CYP27C1: variants seen among roughly 807,000 people sequenced by gnomAD.
CYP27C1 encodes cytochrome P450 27C1.
Under a neutral mutation model 40.6 loss-of-function variants are expected in CYP27C1, and 29 were observed. The observed-to-expected ratio is 0.71, with a 90% CI of 0.53 to 0.97. The LOEUF (loss-of-function observed/expected upper bound fraction) is 0.97. Among genes scored for constraint, CYP27C1 ranks in the 50% least tolerant of loss-of-function variants. The probability of loss-of-function intolerance (pLI) is 0.00; values close to 1 mark genes in which losing one functional copy is unlikely to be tolerated. For synonymous variants in CYP27C1, 198 were observed against 186.8 expected (o/e 1.06, Z -0.49); for missense variants, 390 against 485.8 (o/e 0.80, Z 1.85).
At chr2:127,215,383 G>C (rs112632117) in intron 1 of CYP27C1, among the ~76,000 whole-genome samples, 2,159 of 152,138 alleles carry the variant, frequency 0.014, 54 homozygotes, top group African/African-American at 0.049. Flanking sequence ...TCTCAAAATG[G>C]ATCAAAGCTC....
Position 127,195,586 on chromosome 2 carries a change from TG to T in CYP27C1, c.1048-86del. The T allele has an allele frequency of 9.9e-6, 14 of 1,407,532 alleles. No homozygotes were observed. The highest frequency in any genetic ancestry group is 1.4e-5 in the African/African-American group (1 of 70,186). The allele number at this position is 1,407,532 out of a possible 1,614,324, so 87.2% of individuals were successfully genotyped here. ...AGGCGGTGGCAGGTAGGAAGTCCCCTGGGAATACACACAGCACAAAGTCAAA... is the reference window on the plus strand; with the variant it reads ...AGGCGGTGGCAGGTAGGAAGTCCCCTGGAATACACACAGCACAAAGTCAAA... On this transcript the variant is annotated intron_variant, in intron 5 of 8. Transcript: ENST00000664447. This position sits in a 1 kb window ranked among gnomAD's most constrained non-coding sequence, Gnocchi z 6.2.
At chr2:127,203,613 G>T in intron 2 of CYP27C1, 42 bp from the exon 3 acceptor site, 2 of 1,561,460 alleles carry the variant, frequency 1.3e-6, no homozygotes, top group South Asian at 1.2e-5. Flanking sequence ...TACTTACACT[G>T]ACATTCTGGG....
chr2:127,198,052 C>T (rs2104682866), intron 5 of CYP27C1, among the ~76,000 whole-genome samples: 1 of 152,306 alleles, frequency 6.6e-6, no homozygotes, highest in South Asian at 2.1e-4. Context: ...CTCTTCCTTT[C>T]CCATCGGATA....
intron 1 of CYP27C1, among the ~76,000 whole-genome samples, chr2:127,206,612 T>C (rs1683234345): frequency 6.6e-6 from 1 of 152,206 alleles, no homozygotes; most frequent in South Asian, 2.1e-4. Flanking sequence ...TTTCTTATTC[T>C]TTAGGGATAT....
intron 8 of CYP27C1, among the ~76,000 whole-genome samples, chr2:127,189,172 C>A (rs1485672211): frequency 6.6e-6 from 1 of 150,622 alleles, no homozygotes; most frequent in East Asian, 2.0e-4. Flanking sequence ...AACACTGCCC[C>A]CCCCCTCCGC....
At chr2:127,213,015 C>G (rs1683364055) in intron 1 of CYP27C1, among the ~76,000 whole-genome samples, 1 of 152,136 alleles carries the variant, frequency 6.6e-6, no homozygotes, top group Admixed American at 6.5e-5. Flanking sequence ...CATTCCTTTA[C>G]ACCAACAATA....
In CYP27C1 at chr2:127,193,884, G is replaced by A. The variant is rs377636895; in HGVS notation, c.1215-17C>T. 1.9e-5 allele frequency: 30 copies of A among 1,613,814 alleles called. No homozygotes were observed. The highest frequency in any genetic ancestry group is 1.6e-4 in the Middle Eastern group (1 of 6,082). On this transcript the variant is annotated splice_polypyrimidine_tract_variant and intron_variant, in intron 6 of 8. Transcript: ENST00000664447. ...GGAAACAGCCTGGAAAAGAGCCAGC[G>A]GGGACGGGAATGGCGTGGTGACTTT...
intron 2 of CYP27C1, among the ~76,000 whole-genome samples, chr2:127,204,440 A>AAAAGAAAGAAAGAAAGAAAGAAAGAAAG (rs59482629): frequency 9.7e-5 from 4 of 41,282 alleles, no homozygotes; most frequent in Non-Finnish European, 1.4e-4. Context: ...GAAAGAAAGA[A>AAAAGAAAGAAAGAAAGAAAGAAAGAAAG]AAAGAAAGAA....
At chr2:127,198,186 T>C (rs79908771) in intron 5 of CYP27C1, among the ~76,000 whole-genome samples, 3,610 of 148,162 alleles carry the variant, frequency 0.024, 161 homozygotes, top group African/African-American at 0.085. Flanking sequence ...AATTTGTTGA[T>C]ACACACACAC....
chr2:127,204,505 GA>G (rs1683149735), intron 2 of CYP27C1, among the ~76,000 whole-genome samples: 2 of 72,046 alleles, frequency 2.8e-5, no homozygotes, highest in Non-Finnish European at 5.7e-5. Flanking sequence ...AGGAAGGAAG[GA>G]AAGAAAGAAG....
At chr2:127,213,315 A>AT (rs1028355223) in intron 1 of CYP27C1, among the ~76,000 whole-genome samples, 1 of 146,030 alleles carries the variant, frequency 6.8e-6, no homozygotes, top group East Asian at 2.1e-4. Context: ...TAGAAAAAAA[A>AT]AAACTTAAAT....
At chr2:127,194,195 G>A (rs1383933939) in intron 6 of CYP27C1, among the ~76,000 whole-genome samples, 1 of 152,150 alleles carries the variant, frequency 6.6e-6, no homozygotes, top group Non-Finnish European at 1.5e-5. Context: ...ACTTTATCAA[G>A]GAATAGTTCA....
chr2:127,195,221 G>T lies in CYP27C1; in HGVS notation c.1214+114C>A. 7.6e-7 allele frequency: 1 copy of T among 1,319,824 alleles called. No homozygotes were observed. Among genetic ancestry groups the T allele is most frequent in the Non-Finnish European group, 1.1e-6 (1 of 948,276 alleles). The allele number at this position is 1,319,824 out of a possible 1,614,324, so 81.8% of individuals were successfully genotyped here. ...AGAGCAGAGAAAAAATAACAGTCAC[G>T]AACATCCTCATCCTGAACAGGTCAG... On this transcript the variant is annotated intron_variant, in intron 6 of 8. Coordinates refer to ENST00000664447, the MANE Select transcript of CYP27C1 (RefSeq NM_001367502.1). This position sits in a 1 kb window ranked among gnomAD's most constrained non-coding sequence, Gnocchi z 6.2.
At chr2:127,192,774 G>A (rs1286861273) in intron 8 of CYP27C1, among the ~76,000 whole-genome samples, 1 of 50,164 alleles carries the variant, frequency 2.0e-5, no homozygotes, top group Non-Finnish European at 4.2e-5. Context: ...AGGACAGGGT[G>A]GGCACGGGAG....
intron 8 of CYP27C1, among the ~76,000 whole-genome samples, chr2:127,189,064 T>A (rs1450628426): frequency 6.6e-6 from 1 of 152,082 alleles, no homozygotes; most frequent in Non-Finnish European, 1.5e-5. Flanking sequence ...CATGTGGGTC[T>A]CCTAACTTCA....
At chr2:127,189,621 T>TAA (rs34402051) in intron 8 of CYP27C1, among the ~76,000 whole-genome samples, 1,675 of 141,362 alleles carry the variant, frequency 0.012, 29 homozygotes, top group African/African-American at 0.036. Flanking sequence ...AAAGTAAAAT[T>TAA]AAAAAAAAAA....
At chr2:127,207,660 ACT>A (rs140826060) in intron 1 of CYP27C1, among the ~76,000 whole-genome samples, 3,571 of 150,574 alleles carry the variant, frequency 0.024, 153 homozygotes, top group African/African-American at 0.083. Flanking sequence ...ACAGAGCAAG[ACT>A]CTGTCACAAA....
At chr2:127,193,439 G>A in intron 7 of CYP27C1, 142 bp from the exon 8 acceptor site, 1 of 890,724 alleles carries the variant, frequency 1.1e-6, no homozygotes, top group Non-Finnish European at 1.7e-6. Flanking sequence ...CAGGATGGCA[G>A]CCGCTCCCCC....
intron 1 of CYP27C1, among the ~76,000 whole-genome samples, chr2:127,215,064 G>C (rs934857579): frequency 2.6e-5 from 4 of 151,040 alleles, no homozygotes; most frequent in African/African-American, 9.7e-5. Context: ...GGGAGGCGGA[G>C]CTTGCAGTGA....
Sources: allele counts gnomAD v4.1 joint callset (sites outside exome capture counted in the v4.1 genomes callset), GRCh38; gene constraint gnomAD v4.1.1; non-coding constraint Gnocchi (gnomAD v3.1); transcripts MANE v1.5; gene names NCBI Gene and HGNC (gene_info 2026-07-23, HGNC 2026-07-21).